CYP4F11: variants seen among roughly 807,000 people sequenced by gnomAD.
CYP4F11 encodes the protein cytochrome P450 4F11.
CYP4F11 carries 79 observed loss-of-function variants against 62.2 expected under a neutral mutation model. That is an observed-to-expected ratio of 1.27 (90% CI 1.06 to 1.53). CYP4F11 has a LOEUF of 1.53. Ranked by LOEUF, CYP4F11 falls within the 40% of genes most tolerant of loss-of-function variation. The pLI is 0.00. For synonymous variants in CYP4F11, 290 were observed against 263.7 expected, an observed-to-expected ratio of 1.10 and a Z score of -0.97; for missense variants, 777 against 680.5, an observed-to-expected ratio of 1.14 and a Z score of -1.58.
intron 8 of CYP4F11, among the ~76,000 whole-genome samples, chr19:15,921,695 T>C (rs541368259): frequency 4.6e-5 from 7 of 152,258 alleles, no homozygotes; most frequent in East Asian, 1.9e-4. Context: ...GGATTGAAAT[T>C]AGGGTAAGGA....
At chr19:15,922,990 G>GCA (rs1355358581) in intron 6 of CYP4F11, among the ~76,000 whole-genome samples, 2 of 152,138 alleles carry the variant, frequency 1.3e-5, no homozygotes, top group Non-Finnish European at 2.9e-5. Context: ...GGCAGAGGTT[G>GCA]CAGTGAGCCA....
At chr19:15,916,194 A>G (rs2089582299) in intron 8 of CYP4F11, among the ~76,000 whole-genome samples, 1 of 152,170 alleles carries the variant, frequency 6.6e-6, no homozygotes, top group Non-Finnish European at 1.5e-5. Context: ...GTTTTCACAC[A>G]TATCAATCAC....
chr19:15,914,881 T>C lies in CYP4F11; in HGVS notation c.1130A>G (p.Gln377Arg), dbSNP rs2089571463. The stretch of plus-strand genomic sequence containing the variant: ...AATGCACATGGTCAGGAAGGGCAGC[T>C]GGGCCAGGTCGTCCCTAAGAAAACA... The part of the protein sequence containing the change: ...PIEIEWDDLA[Q>R]LPFLTMCIKE... The change falls in exon 9 of 12, where the codon CAG becomes CGG. Residue 377 changes from glutamine to arginine, a missense_variant. Physicochemically the swap from Gln to Arg is conservative, Grantham distance 43 (BLOSUM62 1). Coordinates refer to ENST00000402119, the MANE Select transcript of CYP4F11 (RefSeq NM_021187.4). The C allele has an allele frequency of 3.1e-6, 5 of 1,614,176 alleles. No individual in the cohort carries two copies. The East Asian group carries it at 8.9e-5, about 29-fold the overall frequency.
intron 8 of CYP4F11, among the ~76,000 whole-genome samples, chr19:15,916,937 A>G (rs12981776): frequency 0.54 from 82,571 of 151,994 alleles, 23,022 homozygotes; most frequent in Non-Finnish European, 0.61. Context: ...TACCCAAAGG[A>G]AAAGAAGTCG....
In CYP4F11 at chr19:15,919,521, T is replaced by TAGATAGATAGATAGAC. The variant is rs1191784843; in HGVS notation, c.1115+2515_1115+2516insGTCTATCTATCTATCT. ...ATAGATAGATAGATAGATAGATAGA[T>TAGATAGATAGATAGAC]AGACAGATAGATAAGCAGACAGTTA... On this transcript the variant is annotated intron_variant, in intron 8 of 11. Transcript: ENST00000402119. 7.0e-3 allele frequency among the ~76,000 whole-genome samples: 1,020 copies of TAGATAGATAGATAGAC among 146,148 alleles called. 19 individuals are homozygous for TAGATAGATAGATAGAC. Among genetic ancestry groups the TAGATAGATAGATAGAC allele is most frequent in the Middle Eastern group, 0.021 (6 of 286 alleles).
chr19:15,923,508 G>A (rs2089645213), intron 6 of CYP4F11, among the ~76,000 whole-genome samples: 1 of 152,164 alleles, frequency 6.6e-6, no homozygotes, highest in Admixed American at 6.5e-5. Context: ...AGGCTGCTGT[G>A]ATCCAGGGAT....
rs533737809 is a variant in CYP4F11, at chr19:15,934,179, A to G, written c.198+32T>C. The G allele has an allele frequency of 3.2e-5, 52 of 1,609,230 alleles. No individual in the cohort carries two copies. The East Asian group carries it at 1.1e-3, about 34-fold the overall frequency. On this transcript the variant is annotated intron_variant, in intron 1 of 11. Transcript: ENST00000402119. ...CCCCTCAGGAACTCCATGCATCCTG[A>G]GACCCCAGACCCGTCCTGCTGACAA...
intron 8 of CYP4F11, among the ~76,000 whole-genome samples, chr19:15,919,142 AAT>A (rs926072413): frequency 7.4e-5 from 11 of 148,408 alleles, no homozygotes; most frequent in Admixed American, 2.0e-4. Context: ...AATAATTAGG[AAT>A]ATATATAGTA....
Position 15,923,805 on chromosome 19 carries a change from A to C in CYP4F11, c.918+7T>G. On this transcript the variant is annotated splice_region_variant and intron_variant, in intron 6 of 11. Transcript: ENST00000402119. Reference sequence around the variant, plus strand: ...ATTACTTGAATTCACATCCCAGAGAAGCCTACCTTGCTCAGCAGAAGCACA... The same window carrying C: ...ATTACTTGAATTCACATCCCAGAGACGCCTACCTTGCTCAGCAGAAGCACA... 2.5e-6 allele frequency: 4 copies of C among 1,609,244 alleles called. No individual in the cohort carries two copies. The highest frequency in any genetic ancestry group is 3.4e-6 in the Non-Finnish European group (4 of 1,176,060).
At chr19:15,924,645 G>A in intron 5 of CYP4F11, 116 bp downstream of exon 5, 2 of 1,237,998 alleles carry the variant, frequency 1.6e-6, no homozygotes, top group Middle Eastern at 2.8e-4. Context: ...GCCCAGCTAT[G>A]ACACACAGAA....
In CYP4F11 at chr19:15,934,466, A is replaced by G. The variant is rs561975460; in HGVS notation, c.-58T>C. The G allele has an allele frequency of 8.8e-6, 14 of 1,590,768 alleles. No homozygotes were observed. The East Asian group carries it at 3.1e-4, about 36-fold the overall frequency. On this transcript the variant is annotated 5_prime_UTR_variant, in exon 1 of 12. Coordinates refer to ENST00000402119, the MANE Select transcript of CYP4F11 (RefSeq NM_021187.4). ...CTGAGGCCCAGGGAAGGGCCCAGGAAGCTCCAAGGACAGTGGAAAGGGGCA... is the reference window on the plus strand; with the variant it reads ...CTGAGGCCCAGGGAAGGGCCCAGGAGGCTCCAAGGACAGTGGAAAGGGGCA...
rs1336361553 is a variant in CYP4F11, at chr19:15,912,693, ATATATGTG to A, written c.*1031_*1038del. 2 of 42,784 alleles carry A rather than the reference ATATATGTG, an allele frequency of 4.7e-5. No individual in the cohort carries two copies. Among genetic ancestry groups the A allele is most frequent in the African/African-American group, 1.6e-4 (2 of 12,800 alleles). 2.7% of individuals were successfully genotyped at this position (42,784 alleles called of 1,614,324 possible). Reference sequence around the variant, plus strand: ...GAAAAAAAAAAAAATATATATATATATATATGTGTGTGTGTGTGTGTGTGTGTGTGTGT... The same window carrying A: ...GAAAAAAAAAAAAATATATATATATATGTGTGTGTGTGTGTGTGTGTGTGT... On this transcript the variant is annotated 3_prime_UTR_variant, in exon 12 of 12. Coordinates refer to ENST00000402119, the MANE Select transcript of CYP4F11 (RefSeq NM_021187.4).
Position 15,922,357 on chromosome 19 carries a change from C to A in CYP4F11, c.985+7G>T, listed in dbSNP as rs751786236. ...TCCCCACCGTAGTCCCACACTGAGA[C>A]CCTCACCCTCAAACATGAAGGTGTC... On this transcript the variant is annotated splice_region_variant and intron_variant, in intron 7 of 11. Transcript: ENST00000402119. 1.2e-6 allele frequency: 2 copies of A among 1,613,992 alleles called. No individual in the cohort carries two copies. Among genetic ancestry groups the A allele is most frequent in the Non-Finnish European group, 8.5e-7 (1 of 1,180,012 alleles).
chr19:15,930,006 G>C (rs2089698943), intron 1 of CYP4F11, among the ~76,000 whole-genome samples: 1 of 151,990 alleles, frequency 6.6e-6, no homozygotes, highest in African/African-American at 2.4e-5. Flanking sequence ...GGGACTTCTT[G>C]TCCTCCATCA....
At position 15,929,556 on chromosome 19, in the gene CYP4F11, T is replaced by C. The variant is rs1162781517; in HGVS notation, c.244A>G (p.Thr82Ala). Residue 82 changes from threonine (T) to alanine (A), a missense_variant, in exon 2 of 12, where the codon ACC (threonine) becomes GCC (alanine). Physicochemically the swap from Thr to Ala is moderately conservative, Grantham distance 58. Coordinates refer to ENST00000402119, the MANE Select transcript of CYP4F11 (RefSeq NM_021187.4). ...AACTTAAAGCCCTGGGGATATGTGG[T>C]CACCAGCTGGGTCAATGTCTTCATG... Reference protein sequence around the residue: ...EGMKTLTQLVTTYPQGFKLWL... With the variant: ...EGMKTLTQLVATYPQGFKLWL... The C allele has an allele frequency of 6.2e-7, 1 of 1,613,486 alleles. No individual in the cohort carries two copies. Among genetic ancestry groups the C allele is most frequent in the Admixed American group, 1.7e-5 (1 of 59,986 alleles).
chr19:15,915,267 C>T (rs751583547), intron 8 of CYP4F11, among the ~76,000 whole-genome samples: 13 of 151,920 alleles, frequency 8.6e-5, no homozygotes, highest in Admixed American at 1.3e-4. Context: ...ATTGTATTAG[C>T]GATAGTAGCA....
intron 11 of CYP4F11, 80 bp from the exon 12 acceptor site, chr19:15,913,989 C>T (rs1402214442): frequency 6.7e-7 from 1 of 1,502,886 alleles, no homozygotes; most frequent in Non-Finnish European, 9.0e-7. Context: ...TGGCCTGGGA[C>T]CCCAAACGCA....
chr19:15,918,692 C>T (rs183841641), intron 8 of CYP4F11, among the ~76,000 whole-genome samples: 1 of 152,164 alleles, frequency 6.6e-6, no homozygotes, highest in East Asian at 1.9e-4. Flanking sequence ...GCTAAATATA[C>T]ATTGATGGAA....
chr19:15,919,223 A>G (rs1048840957), intron 8 of CYP4F11, among the ~76,000 whole-genome samples: 3 of 148,062 alleles, frequency 2.0e-5, no homozygotes, highest in African/African-American at 7.4e-5. Flanking sequence ...TATTAAATTA[A>G]ATAAATATGT....
Sources: gnomAD v4.1 joint callset for allele counts (sites outside exome capture counted in the v4.1 genomes callset) on GRCh38, gnomAD v4.1.1 for gene constraint, MANE v1.5 for transcripts, NCBI Gene and HGNC (gene_info 2026-07-23, HGNC 2026-07-21) for gene names.